Variants in PLXNC1 observed in about 807,000 individuals in gnomAD.
PLXNC1 encodes the protein plexin C1.
PLXNC1 carries 75 observed loss-of-function variants against 178.2 expected under a neutral mutation model. The ratio of observed to expected loss-of-function variants is 0.42; its 90% CI spans 0.35 to 0.51. The LOEUF is 0.51. Among genes scored for constraint, PLXNC1 ranks in the 20% least tolerant of loss-of-function variants. The pLI, the probability that PLXNC1 is intolerant of heterozygous loss-of-function variation, is 0.02. For synonymous variants in PLXNC1, 790 were observed against 779.9 expected, an observed-to-expected ratio of 1.01 and a Z score of -0.22; for missense variants, 1,503 against 1,984.4, an observed-to-expected ratio of 0.76 and a Z score of 4.61.
chr12:94,271,693 T>G (rs1009885406), intron 21 of PLXNC1, among the ~76,000 whole-genome samples: 1 of 152,212 alleles, frequency 6.6e-6, no homozygotes, highest in African/African-American at 2.4e-5. Context: ...AAATAATACA[T>G]GTACCACGTC....
chr12:94,226,795 G>T (rs1028201146), intron 8 of PLXNC1, 88 bp downstream of exon 8: 3 of 940,162 alleles, frequency 3.2e-6, no homozygotes, highest in Non-Finnish European at 5.2e-6. Flanking sequence ...AGGTCGAGGC[G>T]GGTGGATCAA....
intron 23 of PLXNC1, among the ~76,000 whole-genome samples, chr12:94,287,047 C>T (rs1265048482): frequency 6.6e-6 from 1 of 152,218 alleles, no homozygotes; most frequent in African/African-American, 2.4e-5. Context: ...ATAACCATGG[C>T]AGCCAGTGCC....
At position 94,209,691 on chromosome 12, in the gene PLXNC1, G is replaced by A. The variant is rs771416584; in HGVS notation, c.1541G>A (p.Ser514Asn). 3.7e-6 allele frequency: 6 copies of A among 1,600,438 alleles called. No homozygotes were observed. The highest frequency in any genetic ancestry group is 1.3e-5 in the African/African-American group (1 of 74,646). The change falls in exon 5 of 31, where the codon AGC (serine) becomes AAC (asparagine). Residue 514 changes from serine (S) to asparagine (N), a missense_variant. Transcript: ENST00000258526. ...TGCCCTAAAATTCAGATAATTCGAAGCAGTAAAGAAAAGGTAAGAGGAAAG... is the reference window on the plus strand; with the variant it reads ...TGCCCTAAAATTCAGATAATTCGAAACAGTAAAGAAAAGGTAAGAGGAAAG... The part of the protein sequence containing the change: ...KKCPKIQIIR[S>N]SKEKTTVTMV...
rs1342389211 is a variant in PLXNC1, at chr12:94,248,302, A to G, written c.2668A>G (p.Asn890Asp). 1.2e-6 allele frequency: 2 copies of G among 1,613,612 alleles called. No homozygotes were observed. Among genetic ancestry groups the G allele is most frequent in the Non-Finnish European group, 1.7e-6 (2 of 1,179,688 alleles). Residue 890 changes from asparagine to aspartate, a missense_variant, in exon 14 of 31, where the codon AAT becomes GAT. By Grantham distance (23) the Asn-to-Asp change is conservative. Transcript: ENST00000258526. ...TLFHGENGQL[N>D]CSFENITRNQ... ...CTTCCATGGGGAAAATGGGCAATTAAATTGCAGTTTTGAAAATATTACTAG... is the reference window on the plus strand; with the variant it reads ...CTTCCATGGGGAAAATGGGCAATTAGATTGCAGTTTTGAAAATATTACTAG...
intron 9 of PLXNC1, among the ~76,000 whole-genome samples, chr12:94,236,495 C>T (rs1964244456): frequency 6.6e-6 from 1 of 152,212 alleles, no homozygotes; most frequent in Non-Finnish European, 1.5e-5. Flanking sequence ...ACGGAGTTCT[C>T]CCAGTGGCTC....
At chr12:94,249,800 A>C (rs1034951649) in intron 14 of PLXNC1, among the ~76,000 whole-genome samples, 2 of 151,988 alleles carry the variant, frequency 1.3e-5, no homozygotes, top group Non-Finnish European at 2.9e-5. Context: ...TGTGATGGGG[A>C]CAGACAGAGA....
intron 3 of PLXNC1, among the ~76,000 whole-genome samples, chr12:94,181,957 T>C (rs1349995571): frequency 2.0e-5 from 3 of 152,154 alleles, no homozygotes; most frequent in Non-Finnish European, 4.4e-5. Context: ...AATTTGGGGT[T>C]AATATCAGGC....
intron 21 of PLXNC1, among the ~76,000 whole-genome samples, chr12:94,267,270 G>C (rs1029676552): frequency 6.6e-6 from 1 of 152,220 alleles, no homozygotes; most frequent in African/African-American, 2.4e-5. Flanking sequence ...TCAGGAAGAG[G>C]TCAGATGTCT....
Position 94,300,121 on chromosome 12 carries a change from G to GAGAT in PLXNC1, c.4239-787_4239-784dup, listed in dbSNP as rs1179876115. 3.3e-5 allele frequency among the ~76,000 whole-genome samples: 5 copies of GAGAT among 152,348 alleles called. No homozygotes were observed. In the South Asian group the frequency reaches 8.3e-4, roughly 25 times the overall value. ...CTATGGGCCAAGCAGTTAGTTGCTG[G>GAGAT]AGATATAGTAACAAAACAGATGAAA... On this transcript the variant is annotated intron_variant, in intron 27 of 30. Coordinates refer to ENST00000258526, the MANE Select transcript of PLXNC1 (RefSeq NM_005761.3).
rs539180930 is a variant in PLXNC1, at chr12:94,264,375, G to A, written c.3451-704G>A. 8.5e-5 allele frequency among the ~76,000 whole-genome samples: 13 copies of A among 152,276 alleles called. No homozygotes were observed. In the East Asian group the frequency reaches 1.5e-3, roughly 18 times the overall value. ...TAGAAAGAGCCAATCGGGATGGGCC[G>A]AGTGTTTGGAGAAAAACCTTAGAGG... On this transcript the variant is annotated intron_variant, in intron 20 of 30. Transcript: ENST00000258526.
chr12:94,209,516 C>G, intron 4 of PLXNC1, 74 bp from the exon 5 acceptor site: 3 of 823,972 alleles, frequency 3.6e-6, no homozygotes, highest in Non-Finnish European at 6.3e-6. Context: ...AAAGTTTTAA[C>G]TAATGCACGT....
At chr12:94,152,280 G>T (rs1960990242) in intron 1 of PLXNC1, among the ~76,000 whole-genome samples, 1 of 152,176 alleles carries the variant, frequency 6.6e-6, no homozygotes, top group Non-Finnish European at 1.5e-5. Context: ...AATGAAAAAG[G>T]GTGGTAGTTT....
chr12:94,291,139 A>G (rs1967279879), intron 23 of PLXNC1, among the ~76,000 whole-genome samples: 1 of 152,244 alleles, frequency 6.6e-6, no homozygotes, highest in Non-Finnish European at 1.5e-5. Flanking sequence ...GTCTTAGGTG[A>G]GAACGCTTGA....
At chr12:94,210,319 G>A (rs970981269) in intron 5 of PLXNC1, among the ~76,000 whole-genome samples, 7 of 152,218 alleles carry the variant, frequency 4.6e-5, no homozygotes, top group African/African-American at 1.4e-4. Context: ...AAGGGAGCAA[G>A]GAGCATATTT....
Position 94,248,084 on chromosome 12 carries a change from C to T in PLXNC1, c.2570C>T (p.Thr857Ile). 6.2e-7 allele frequency: 1 copy of T among 1,613,994 alleles called. No homozygotes were observed. ...TATCGGGTGGAATCCGAGGTGGACA[C>T]AGAACTGGAAGTGAAAATTCAAGTA... ...TGYRVESEVD[T>I]ELEVKIQKEN... The change falls in exon 13 of 31, where the codon ACA becomes ATA. Residue 857 changes from threonine (T) to isoleucine (I), a missense_variant. Around this residue, in one of 4 missense-constraint regions of PLXNC1, gnomAD observed 639 missense variants for 979.7 expected, o/e 0.65. Transcript: ENST00000258526.
chr12:94,186,310 GTGT>G, intron 3 of PLXNC1, 60 bp from the exon 4 acceptor site: 1 of 1,148,838 alleles, frequency 8.7e-7, no homozygotes, highest in Admixed American at 1.7e-5. Flanking sequence ...ATTAGATAAG[GTGT>G]TGTAGTTTTC....
chr12:94,148,906 C>T lies in PLXNC1; in HGVS notation c.-66C>T, dbSNP rs1348107911. 2 of 485,126 alleles carry T rather than the reference C, an allele frequency of 4.1e-6. No individual in the cohort carries two copies. Among genetic ancestry groups the T allele is most frequent in the East Asian group, 9.1e-5 (1 of 10,944 alleles). The allele number at this position is 485,126 out of a possible 1,614,324, so 30.1% of individuals were successfully genotyped here. On this transcript the variant is annotated 5_prime_UTR_variant, in exon 1 of 31. Transcript: ENST00000258526. This position sits in a 1 kb window ranked among gnomAD's most constrained non-coding sequence, Gnocchi z 4.8. ...CCGCCGCCGCCGCCGCCCGCGTCTC[C>T]GTTGCCGCGCGCCTGAGCCGCCGTC...
At chr12:94,236,870 T>C (rs1288013470) in intron 9 of PLXNC1, among the ~76,000 whole-genome samples, 1 of 152,216 alleles carries the variant, frequency 6.6e-6, no homozygotes, top group Non-Finnish European at 1.5e-5. Context: ...TTGTTTTATC[T>C]TGAAAAGGGA....
At chr12:94,264,118 C>A (rs1281936735) in intron 20 of PLXNC1, among the ~76,000 whole-genome samples, 1 of 152,114 alleles carries the variant, frequency 6.6e-6, no homozygotes, top group Non-Finnish European at 1.5e-5. Flanking sequence ...ACCACAGAGG[C>A]CTAATGTCCA....
Sources: allele counts gnomAD v4.1 joint callset (sites outside exome capture counted in the v4.1 genomes callset), GRCh38; gene constraint gnomAD v4.1.1; regional missense constraint gnomAD v4.1.1; non-coding constraint Gnocchi (gnomAD v3.1); transcripts MANE v1.5; gene names NCBI Gene and HGNC (gene_info 2026-07-23, HGNC 2026-07-21).